ITSN1: variants seen among roughly 807,000 people sequenced by gnomAD.
The protein encoded by ITSN1 is intersectin 1.
In ITSN1, 58 loss-of-function variants were observed where a neutral mutation model predicts 239.8. The observed-to-expected ratio is 0.24, with a 90% CI of 0.20 to 0.30. The LOEUF (loss-of-function observed/expected upper bound fraction) is 0.30, where lower values mean the gene tolerates loss of function less well. ITSN1 is among the 10% of genes least tolerant of loss of function. The probability of loss-of-function intolerance (pLI) is 1.00; values close to 1 mark genes in which losing one functional copy is unlikely to be tolerated. For synonymous variants in ITSN1, 780 were observed against 770.8 expected (o/e 1.01, Z -0.20); for missense variants, 1,558 against 2,103.3 (o/e 0.74, Z 5.07).
intron 30 of ITSN1, among the ~76,000 whole-genome samples, chr21:33,857,272 C>T (rs568449915): frequency 6.6e-6 from 1 of 152,202 alleles, no homozygotes; most frequent in African/African-American, 2.4e-5. Context: ...GCTGCTGTCT[C>T]GAGTCATTCC....
intron 34 of ITSN1, among the ~76,000 whole-genome samples, chr21:33,877,445 A>G (rs1055695973): frequency 6.6e-6 from 1 of 152,198 alleles, no homozygotes; most frequent in African/African-American, 2.4e-5. Context: ...GGGTTTGGGC[A>G]TCACAGCCCT....
At chr21:33,800,772 C>T (rs2071930207) in intron 19 of ITSN1, among the ~76,000 whole-genome samples, 1 of 151,236 alleles carries the variant, frequency 6.6e-6, no homozygotes, top group Non-Finnish European at 1.5e-5. Flanking sequence ...GTCAACTCTG[C>T]ATTACTCTTA....
At chr21:33,843,592 G>A (rs1294725343) in intron 29 of ITSN1, among the ~76,000 whole-genome samples, 3 of 152,186 alleles carry the variant, frequency 2.0e-5, no homozygotes, top group Non-Finnish European at 4.4e-5. Flanking sequence ...TGCAAGTTCA[G>A]CCTAATATTT....
In ITSN1 at chr21:33,829,636, T is replaced by A. The variant is rs771743810; in HGVS notation, c.3242T>A (p.Val1081Asp). 1 of 1,612,242 alleles carries A rather than the reference T, an allele frequency of 6.2e-7. No individual in the cohort carries two copies. ...SLGKKPEIAQ[V>D]IASYTATGPE... ...TCTTGTTTTTCAGAAATTGCCCAGG[T>A]TATTGCCTCATACACCGCCACCGGC... is the stretch of plus-strand genomic sequence containing the variant. The change falls in exon 27 of 40, where the codon GTT becomes GAT. Residue 1081 changes from valine (V) to aspartate (D), a missense_variant. Val to Asp is a radical substitution (Grantham distance 152). Transcript: ENST00000381318.
Position 33,882,987 on chromosome 21 carries a change from C to T in ITSN1, c.4554+532C>T, listed in dbSNP as rs554700415. On this transcript the variant is annotated intron_variant, in intron 35 of 39. Coordinates refer to ENST00000381318, the MANE Select transcript of ITSN1 (RefSeq NM_003024.3). The surrounding 1 kb of genome is among the most constrained non-coding windows in gnomAD (Gnocchi z 4.5). The stretch of plus-strand genomic sequence containing the variant: ...GTTTGTGTGTCTTTGTGTCACGGGA[C>T]GTTGTTTTTCTAAATTTGTCTGCAT... Among the ~76,000 whole-genome samples, 105 of 152,140 alleles carry T rather than the reference C, an allele frequency of 6.9e-4. No individual in the cohort carries two copies. Among genetic ancestry groups the T allele is most frequent in the African/African-American group, 2.5e-3 (102 of 41,500 alleles).
intron 16 of ITSN1, among the ~76,000 whole-genome samples, chr21:33,782,963 T>C (rs1041259999): frequency 6.6e-6 from 1 of 152,054 alleles, no homozygotes; most frequent in Non-Finnish European, 1.5e-5. Context: ...AGGCGGAGCT[T>C]GCAGTAAGCC....
chr21:33,778,321 T>C, intron 14 of ITSN1, among the ~76,000 whole-genome samples: 1 of 152,138 alleles, frequency 6.6e-6, no homozygotes, highest in South Asian at 2.1e-4. Flanking sequence ...AAAATATTCC[T>C]TCCTCCTCTA....
At chr21:33,671,016 T>C (rs748816491) in intron 1 of ITSN1, among the ~76,000 whole-genome samples, 2 of 152,236 alleles carry the variant, frequency 1.3e-5, no homozygotes, top group Non-Finnish European at 2.9e-5. Context: ...TTTGTGATTC[T>C]GTGTGAAATG....
At chr21:33,735,472 A>G (rs1329236836) in intron 5 of ITSN1, 3 of 383,336 alleles carry the variant, frequency 7.8e-6, no homozygotes, top group Non-Finnish European at 1.4e-5. Context: ...CCGCTGCTGC[A>G]GCTTCTGGGT....
intron 1 of ITSN1, among the ~76,000 whole-genome samples, chr21:33,652,182 C>T (rs138218650): frequency 2.4e-4 from 36 of 152,222 alleles, no homozygotes; most frequent in Admixed American, 3.9e-4. Context: ...TTAGGGACCA[C>T]GAGCACTGAA....
chr21:33,717,963 G>A (rs1313294014), intron 1 of ITSN1, among the ~76,000 whole-genome samples: 4 of 152,122 alleles, frequency 2.6e-5, no homozygotes, highest in Admixed American at 2.6e-4. Context: ...GATTTTTGGA[G>A]CATTAGATTT....
chr21:33,792,893 C>T lies in ITSN1; in HGVS notation c.1825-1448C>T, dbSNP rs553150367. Among the ~76,000 whole-genome samples, 7 of 151,628 alleles carry T rather than the reference C, an allele frequency of 4.6e-5. No homozygotes were observed. In the South Asian group the frequency reaches 1.5e-3, roughly 32 times the overall value. On this transcript the variant is annotated intron_variant, in intron 16 of 39. Transcript: ENST00000381318. Reference sequence around the variant, plus strand: ...TTCTTCCTTTCTTTTTCCTCCTTCCCCCTTCCTTCCTTTCCTTTTTTCCTT... The same window carrying T: ...TTCTTCCTTTCTTTTTCCTCCTTCCTCCTTCCTTCCTTTCCTTTTTTCCTT...
intron 11 of ITSN1, among the ~76,000 whole-genome samples, chr21:33,770,662 G>A (rs2069090416): frequency 6.6e-6 from 1 of 151,696 alleles, no homozygotes; most frequent in Non-Finnish European, 1.5e-5. Context: ...ATATATGACT[G>A]TTTATGACTG....
intron 29 of ITSN1, among the ~76,000 whole-genome samples, chr21:33,838,981 T>C (rs2074732344): frequency 6.6e-6 from 1 of 152,232 alleles, no homozygotes; most frequent in Non-Finnish European, 1.5e-5. Flanking sequence ...GCGTCCACAT[T>C]GATGCCACTG....
intron 9 of ITSN1, 57 bp from the exon 10 acceptor site, chr21:33,765,818 T>C: frequency 1.3e-6 from 2 of 1,579,484 alleles, no homozygotes; most frequent in Non-Finnish European, 8.7e-7. Flanking sequence ...CACTAATGAA[T>C]AGTAAAAAGC....
chr21:33,824,877 G>C (rs2073893689), intron 25 of ITSN1, among the ~76,000 whole-genome samples: 1 of 152,192 alleles, frequency 6.6e-6, no homozygotes, highest in African/African-American at 2.4e-5. Flanking sequence ...GGAGAATCTG[G>C]CAGAAGCCCG....
At chr21:33,723,430 C>G (rs908727175) in intron 4 of ITSN1, among the ~76,000 whole-genome samples, 4 of 152,094 alleles carry the variant, frequency 2.6e-5, no homozygotes, top group South Asian at 2.1e-4. Flanking sequence ...CTGGATAACA[C>G]GGTGAAACCC....
chr21:33,681,756 C>T (rs759695425), intron 1 of ITSN1, among the ~76,000 whole-genome samples: 5 of 151,120 alleles, frequency 3.3e-5, no homozygotes, highest in African/African-American at 7.3e-5. Flanking sequence ...TTGCAAGCTC[C>T]GCCTCCCGGG....
At chr21:33,777,803 T>C (rs775281153) in intron 14 of ITSN1, among the ~76,000 whole-genome samples, 2 of 152,230 alleles carry the variant, frequency 1.3e-5, no homozygotes, top group Non-Finnish European at 2.9e-5. Flanking sequence ...ACTTCCTTTG[T>C]GTGTCTTACT....
Sources: gnomAD v4.1 joint callset for allele counts (sites outside exome capture counted in the v4.1 genomes callset) on GRCh38, gnomAD v4.1.1 for gene constraint, Gnocchi (gnomAD v3.1) non-coding constraint, MANE v1.5 for transcripts, NCBI Gene and HGNC (gene_info 2026-07-23, HGNC 2026-07-21) for gene names.